Variants in TRPM3 observed in about 807,000 individuals in gnomAD.
TRPM3 encodes long transient receptor potential channel 3.
A neutral mutation model predicts 181.2 loss-of-function variants in TRPM3; 77 were observed. That is an observed-to-expected ratio of 0.42 (90% CI 0.35 to 0.51). The LOEUF (loss-of-function observed/expected upper bound fraction) is 0.51. Ranked by LOEUF, TRPM3 falls within the 20% of genes least tolerant of loss-of-function variation. TRPM3 has a pLI of 0.01. For synonymous variants in TRPM3, 745 were observed against 796.4 expected, an observed-to-expected ratio of 0.94 and a Z score of 1.09; for missense variants, 1,759 against 2,196.7, an observed-to-expected ratio of 0.80 and a Z score of 3.98.
At chr9:70,805,245 G>GGAGACAGAGAGAGACAGA (rs1350646054) in intron 6 of TRPM3, among the ~76,000 whole-genome samples, 1 of 150,660 alleles carries the variant, frequency 6.6e-6, no homozygotes, top group East Asian at 2.0e-4. Flanking sequence ...GGTGGTGGGG[G>GGAGACAGAGAGAGACAGA]GAGACAGAGA....
chr9:70,963,713 T>G (rs539206696), intron 1 of TRPM3, among the ~76,000 whole-genome samples: 4 of 152,220 alleles, frequency 2.6e-5, no homozygotes, highest in South Asian at 4.2e-4. Context: ...GAGTATGTAT[T>G]CATACTCATG....
At chr9:70,846,342 G>A in intron 4 of TRPM3, 36 bp downstream of exon 4, 1 of 1,569,738 alleles carries the variant, frequency 6.4e-7, no homozygotes, top group South Asian at 1.1e-5. Context: ...CATTCCCATG[G>A]CCTATGTTGA....
chr9:71,399,398 T>G (rs1344182730), intron 1 of TRPM3, among the ~76,000 whole-genome samples: 1 of 152,144 alleles, frequency 6.6e-6, no homozygotes. Flanking sequence ...TCACAGTGAT[T>G]ATAGCTAAGT....
At chr9:71,390,496 A>G (rs2093037351) in intron 1 of TRPM3, among the ~76,000 whole-genome samples, 1 of 152,014 alleles carries the variant, frequency 6.6e-6, no homozygotes, top group Non-Finnish European at 1.5e-5. Flanking sequence ...TGGTTTCACT[A>G]AAGGCAAGAT....
chr9:71,329,066 T>C (rs546386880), intron 1 of TRPM3, among the ~76,000 whole-genome samples: 14 of 152,350 alleles, frequency 9.2e-5, no homozygotes, highest in South Asian at 2.1e-4. Context: ...TAGGTGACAA[T>C]AGAACTATTA....
intron 1 of TRPM3, among the ~76,000 whole-genome samples, chr9:71,327,005 G>C (rs954397611): frequency 6.6e-6 from 1 of 152,114 alleles, no homozygotes; most frequent in African/African-American, 2.4e-5. Flanking sequence ...AGGCTGCATG[G>C]ACTGATCAAC....
intron 1 of TRPM3, among the ~76,000 whole-genome samples, chr9:71,275,623 A>G (rs1054620665): frequency 6.6e-5 from 10 of 152,146 alleles, no homozygotes; most frequent in African/African-American, 2.4e-4. Context: ...AATTAATTAG[A>G]GGAATAATGT....
chr9:70,584,397 CT>C (rs1246538841), intron 22 of TRPM3, among the ~76,000 whole-genome samples: 2 of 152,116 alleles, frequency 1.3e-5, no homozygotes, highest in African/African-American at 2.4e-5. Context: ...GCAAAAAACC[CT>C]TTCTTTTTTG....
At chr9:70,827,730 T>A in intron 6 of TRPM3, 117 bp downstream of exon 6, 1 of 1,274,590 alleles carries the variant, frequency 7.8e-7, no homozygotes, top group Non-Finnish European at 1.1e-6. Flanking sequence ...GTAGAAATAA[T>A]GGTTCATGTT....
In TRPM3 at chr9:71,263,000, A is replaced by C. The variant is rs538322634; in HGVS notation, c.183+183653T>G. 1.1e-3 allele frequency among the ~76,000 whole-genome samples: 160 copies of C among 152,322 alleles called. 3 individuals carry two copies. The Middle Eastern group carries it at 0.02, about 19-fold the overall frequency. ...TTAATTTCTTGATGGTAATAACTGT[A>C]TTTGATTATCTAATATCTTTAATTT... On this transcript the variant is annotated intron_variant, in intron 1 of 24. Coordinates refer to the TRPM3 transcript ENST00000357533.
At chr9:70,981,259 G>A (rs958337694) in intron 1 of TRPM3, among the ~76,000 whole-genome samples, 3 of 152,174 alleles carry the variant, frequency 2.0e-5, no homozygotes, top group African/African-American at 7.2e-5. Context: ...TTATAGCGTA[G>A]AAGAGCTTGA....
intron 1 of TRPM3, among the ~76,000 whole-genome samples, chr9:71,186,536 T>C (rs1312788287): frequency 6.6e-6 from 1 of 152,020 alleles, no homozygotes; most frequent in Admixed American, 6.6e-5. Flanking sequence ...TTTGTGAATT[T>C]GCCTCCAGAA....
At chr9:70,766,420 T>C (rs1459799773) in intron 7 of TRPM3, among the ~76,000 whole-genome samples, 1 of 152,154 alleles carries the variant, frequency 6.6e-6, no homozygotes, top group Non-Finnish European at 1.5e-5. Flanking sequence ...GTTAATGACT[T>C]TCAAGGAAGA....
At chr9:71,213,966 A>T (rs1320280841) in intron 1 of TRPM3, among the ~76,000 whole-genome samples, 1 of 152,146 alleles carries the variant, frequency 6.6e-6, no homozygotes, top group Non-Finnish European at 1.5e-5. Context: ...AAAATCTTAC[A>T]TTGTGATAAT....
rs1043394673 is a variant in TRPM3, at chr9:70,695,429, G to A, written c.1273-13851C>T. Among the ~76,000 whole-genome samples, 13 of 152,258 alleles carry A rather than the reference G, an allele frequency of 8.5e-5. 1 individual carries two copies. The highest frequency in any genetic ancestry group is 2.1e-4 in the South Asian group (1 of 4,826). ...TTCCCTTTCCATTGCTGTCCCTGGC[G>A]TGTTTCCTGGTCATGCTCTCTCTCC... On this transcript the variant is annotated intron_variant, in intron 8 of 25. Coordinates refer to ENST00000677713, the MANE Select transcript of TRPM3 (RefSeq NM_001366145.2).
chr9:71,117,531 C>CACTTG (rs2072683107), intron 1 of TRPM3, among the ~76,000 whole-genome samples: 1 of 152,038 alleles, frequency 6.6e-6, no homozygotes, highest in Non-Finnish European at 1.5e-5. Context: ...AGGCTTCGGA[C>CACTTG]ACTAGATCTA....
At chr9:71,387,477 A>C (rs2092953437) in intron 1 of TRPM3, among the ~76,000 whole-genome samples, 1 of 152,202 alleles carries the variant, frequency 6.6e-6, no homozygotes. Flanking sequence ...TTACATCTAT[A>C]AACTGCCTAT....
At chr9:71,376,365 C>T (rs914316033) in intron 1 of TRPM3, among the ~76,000 whole-genome samples, 3 of 151,960 alleles carry the variant, frequency 2.0e-5, no homozygotes, top group African/African-American at 7.2e-5. Context: ...AAGTGATTTA[C>T]ATGAATATTT....
At chr9:70,740,497 A>G (rs1261907385) in intron 8 of TRPM3, among the ~76,000 whole-genome samples, 2 of 152,204 alleles carry the variant, frequency 1.3e-5, no homozygotes, top group African/African-American at 4.8e-5. Context: ...TTCATGTGGA[A>G]TGAAAAAAGA....
Sources: allele counts gnomAD v4.1 joint callset (sites outside exome capture counted in the v4.1 genomes callset), GRCh38; gene constraint gnomAD v4.1.1; transcripts MANE v1.5; gene names NCBI Gene and HGNC (gene_info 2026-07-23, HGNC 2026-07-21).